Variants in SIPA1L1 observed in about 807,000 individuals in gnomAD.
SIPA1L1 encodes signal induced proliferation associated 1 like 1.
In SIPA1L1, 26 loss-of-function variants were observed where a neutral mutation model predicts 162.7. That is an observed-to-expected ratio of 0.16 (90% CI 0.12 to 0.22). The LOEUF is 0.22. Among genes scored for constraint, SIPA1L1 ranks in the 10% least tolerant of loss-of-function variants. The pLI is 1.00. For synonymous variants in SIPA1L1, 829 were observed against 837.4 expected (o/e 0.99, Z 0.17); for missense variants, 1,874 against 2,241.0 (o/e 0.84, Z 3.31).
chr14:71,726,510 C>T (rs1441323791), intron 19 of SIPA1L1, among the ~76,000 whole-genome samples: 1 of 152,206 alleles, frequency 6.6e-6, no homozygotes, highest in Non-Finnish European at 1.5e-5. Flanking sequence ...TTTTGATTTA[C>T]TTATGCAGTA....
At chr14:71,689,828 C>T (rs570017756) in intron 13 of SIPA1L1, among the ~76,000 whole-genome samples, 213 of 152,234 alleles carry the variant, frequency 1.4e-3, no homozygotes, top group Non-Finnish European at 2.5e-3. Flanking sequence ...ATGGCAGCTG[C>T]GTCTGCAGCC....
At chr14:71,509,063 G>A (rs2050902942) in intron 2 of SIPA1L1, among the ~76,000 whole-genome samples, 1 of 152,122 alleles carries the variant, frequency 6.6e-6, no homozygotes, top group Non-Finnish European at 1.5e-5. Context: ...AGTTATTCCT[G>A]GATTCTGCTA....
intron 2 of SIPA1L1, among the ~76,000 whole-genome samples, chr14:71,335,686 T>C (rs1018495120): frequency 6.6e-6 from 1 of 152,224 alleles, no homozygotes; most frequent in East Asian, 1.9e-4. Context: ...AGTTTTCTTA[T>C]ATGTTTTGAG....
chr14:71,428,091 C>G (rs2043715940), intron 2 of SIPA1L1, among the ~76,000 whole-genome samples: 1 of 151,952 alleles, frequency 6.6e-6, no homozygotes, highest in South Asian at 2.1e-4. Context: ...CTCCCAGATT[C>G]AAGCGATTCT....
intron 2 of SIPA1L1, among the ~76,000 whole-genome samples, chr14:71,473,936 A>G (rs569836269): frequency 1.3e-5 from 2 of 152,354 alleles, no homozygotes; most frequent in South Asian, 4.1e-4. Context: ...AACCTTGCTC[A>G]TGTCATCTGT....
At chr14:71,708,700 T>G (rs1225298457) in intron 16 of SIPA1L1, among the ~76,000 whole-genome samples, 1 of 152,200 alleles carries the variant, frequency 6.6e-6, no homozygotes, top group Non-Finnish European at 1.5e-5. Context: ...TTTTTCCCCA[T>G]TGAATTGCCT....
chr14:71,440,646 CAAAAAAAAAAAAA>C (rs397853535), intron 2 of SIPA1L1, among the ~76,000 whole-genome samples: 5 of 55,664 alleles, frequency 9.0e-5, no homozygotes, highest in African/African-American at 1.6e-4. Flanking sequence ...GAACCCATCT[CAAAAAAAAAAAAA>C]AAAAAAAAAA....
intron 2 of SIPA1L1, among the ~76,000 whole-genome samples, chr14:71,324,545 C>G (rs1487690325): frequency 1.3e-5 from 2 of 152,180 alleles, no homozygotes; most frequent in Non-Finnish European, 2.9e-5. Context: ...ATGAAAACAA[C>G]ATTGGTAACC....
At chr14:71,542,607 TC>T (rs1220884748) in intron 4 of SIPA1L1, among the ~76,000 whole-genome samples, 18 of 102,864 alleles carry the variant, frequency 1.7e-4, no homozygotes, top group African/African-American at 5.7e-4. Context: ...CTCCTCTTCC[TC>T]CCCCTCCCCC....
chr14:71,685,662 T>A, intron 13 of SIPA1L1, 31 bp downstream of exon 13: 4 of 1,610,138 alleles, frequency 2.5e-6, no homozygotes, highest in Non-Finnish European at 3.4e-6. Flanking sequence ...TTGCTCTATC[T>A]CTCTCTGCCC....
In SIPA1L1 at chr14:71,465,252, A is replaced by C. The variant is rs779360097; in HGVS notation, c.-464-47491A>C. ...CTTTTGTTGCAGGTCAGCCATTTAC[A>C]TGATAAGAGCTTGTGTCTGTTTTCC... On this transcript the variant is annotated intron_variant, in intron 2 of 23. Transcript: ENST00000381232. Among the ~76,000 whole-genome samples the C allele has an allele frequency of 3.7e-4, 57 of 152,356 alleles. 1 individual carries two copies. Among genetic ancestry groups the C allele is most frequent in the East Asian group, 1.9e-4 (1 of 5,184 alleles).
chr14:71,351,084 T>G (rs575073096), intron 2 of SIPA1L1, among the ~76,000 whole-genome samples: 23 of 152,342 alleles, frequency 1.5e-4, no homozygotes, highest in African/African-American at 5.3e-4. Flanking sequence ...TTTTCAAGTT[T>G]AAAATATGCC....
At chr14:71,504,832 G>A (rs1185862001) in intron 2 of SIPA1L1, among the ~76,000 whole-genome samples, 6 of 152,174 alleles carry the variant, frequency 3.9e-5, no homozygotes, top group Admixed American at 3.9e-4. Context: ...GAAGTCAGTA[G>A]AGAATCATTC....
intron 2 of SIPA1L1, among the ~76,000 whole-genome samples, chr14:71,463,172 T>C (rs968787547): frequency 1.3e-5 from 2 of 152,220 alleles, no homozygotes; most frequent in African/African-American, 4.8e-5. Flanking sequence ...GCATGCGGTA[T>C]TGTTTTTGAT....
At chr14:71,509,937 G>A (rs1480565199) in intron 2 of SIPA1L1, among the ~76,000 whole-genome samples, 1 of 151,952 alleles carries the variant, frequency 6.6e-6, no homozygotes, top group African/African-American at 2.4e-5. Flanking sequence ...TGAATCTCCT[G>A]GGTTTTTTTG....
intron 17 of SIPA1L1, among the ~76,000 whole-genome samples, chr14:71,721,469 G>A (rs2083726354): frequency 1.3e-5 from 2 of 152,204 alleles, no homozygotes; most frequent in Admixed American, 6.5e-5. Flanking sequence ...AAGGCCCAGG[G>A]GCTGGTTAGT....
chr14:71,450,330 C>T (rs192369431), intron 2 of SIPA1L1, among the ~76,000 whole-genome samples: 11 of 152,118 alleles, frequency 7.2e-5, no homozygotes, highest in South Asian at 2.1e-4. Context: ...GTTTATAGCT[C>T]GATAGTGTGT....
In SIPA1L1 at chr14:71,735,406, AAGGGC is replaced by A. The variant is rs1460133754; in HGVS notation, c.5123+18_5123+22del. On this transcript the variant is annotated intron_variant, in intron 22 of 23. Transcript: ENST00000381232. The stretch of plus-strand genomic sequence containing the variant: ...CCTTACAGCAGGTTGGTCCCAGTGC[AAGGGC>A]AGTACTCTGCACCTTGTGTCACATC... 1.9e-6 allele frequency: 3 copies of A among 1,554,220 alleles called. No individual in the cohort carries two copies. Among genetic ancestry groups the A allele is most frequent in the Non-Finnish European group, 2.7e-6 (3 of 1,125,560 alleles).
At chr14:71,644,196 T>C (rs1009445686) in intron 7 of SIPA1L1, among the ~76,000 whole-genome samples, 1 of 152,058 alleles carries the variant, frequency 6.6e-6, no homozygotes, top group Non-Finnish European at 1.5e-5. Flanking sequence ...AAAAATTCAT[T>C]GACTTTCATG....
Sources: allele counts gnomAD v4.1 joint callset (sites outside exome capture counted in the v4.1 genomes callset), GRCh38; gene constraint gnomAD v4.1.1; transcripts MANE v1.5; gene names NCBI Gene and HGNC (gene_info 2026-07-23, HGNC 2026-07-21).